TJP1: variants seen among roughly 807,000 people sequenced by gnomAD.
TJP1 encodes the protein tight junction protein 1, also known as tight junction protein ZO-1.
A neutral mutation model predicts 194.2 loss-of-function variants in TJP1; 43 were observed. The ratio of observed to expected loss-of-function variants is 0.22; its 90% CI spans 0.17 to 0.29. The LOEUF (loss-of-function observed/expected upper bound fraction) is 0.29, where lower values mean the gene tolerates loss of function less well. TJP1 is among the 10% of genes least tolerant of loss of function. The pLI, the probability that TJP1 is intolerant of heterozygous loss-of-function variation, is 1.00. For missense variants in TJP1, 1,971 were observed against 2,185.7 expected, an observed-to-expected ratio of 0.90 and a Z score of 1.96; for synonymous variants, 801 against 779.0, an observed-to-expected ratio of 1.03 and a Z score of -0.47.
chr15:29,790,103 G>C (rs1405290305), intron 2 of TJP1, among the ~76,000 whole-genome samples: 20 of 152,212 alleles, frequency 1.3e-4, no homozygotes. Context: ...TTTGCCTGTT[G>C]TCTATGGTTG....
chr15:29,896,136 T>C (rs1370787925), intron 2 of TJP1, among the ~76,000 whole-genome samples: 2 of 152,112 alleles, frequency 1.3e-5, no homozygotes, highest in African/African-American at 4.8e-5. Flanking sequence ...ACAAATGATA[T>C]GGTTTGGCTG....
chr15:29,703,768 G>A (rs563932886), intron 27 of TJP1, among the ~76,000 whole-genome samples: 58 of 151,660 alleles, frequency 3.8e-4, no homozygotes, highest in Non-Finnish European at 6.8e-4. Context: ...TCAGCCTCCC[G>A]AGTAGCTGGG....
chr15:29,949,547 T>A (rs1192080585), intron 2 of TJP1, among the ~76,000 whole-genome samples: 85 of 22,190 alleles, frequency 3.8e-3, no homozygotes, highest in Middle Eastern at 0.028. Flanking sequence ...CACCACCACC[T>A]CCACAACCAC....
chr15:29,789,218 C>A (rs2047914253), intron 2 of TJP1, among the ~76,000 whole-genome samples: 1 of 151,988 alleles, frequency 6.6e-6, no homozygotes, highest in African/African-American at 2.4e-5. Flanking sequence ...GTAGACCTCC[C>A]AAGAGTGACT....
chr15:29,796,406 G>GA (rs1045221356), intron 2 of TJP1, among the ~76,000 whole-genome samples: 2,633 of 13,680 alleles, frequency 0.19, 74 homozygotes, highest in East Asian at 0.49. Context: ...ATATTGAAAT[G>GA]AAAAAAAAAA....
intron 1 of TJP1, among the ~76,000 whole-genome samples, chr15:29,962,754 G>A (rs2056203165): frequency 6.6e-6 from 1 of 152,214 alleles, no homozygotes; most frequent in African/African-American, 2.4e-5. Flanking sequence ...ACTTCAGAAA[G>A]CTTAATAACT....
chr15:29,796,092 G>C (rs929190408), intron 2 of TJP1, among the ~76,000 whole-genome samples: 18 of 152,010 alleles, frequency 1.2e-4, no homozygotes, highest in Admixed American at 3.3e-4. Flanking sequence ...CCACTTACTG[G>C]TGAAAGACAG....
chr15:29,920,762 G>A (rs1200496819), intron 2 of TJP1, among the ~76,000 whole-genome samples: 1 of 152,116 alleles, frequency 6.6e-6, no homozygotes, highest in Non-Finnish European at 1.5e-5. Flanking sequence ...TCTCCACCTG[G>A]GTCTGGCTCC....
chr15:29,798,094 C>T (rs2048532797), intron 2 of TJP1, among the ~76,000 whole-genome samples: 1 of 152,064 alleles, frequency 6.6e-6, no homozygotes, highest in South Asian at 2.1e-4. Context: ...CTGCCTCAGC[C>T]TCCAAGTAGC....
At chr15:29,729,717 G>T (rs1020272368) in intron 15 of TJP1, among the ~76,000 whole-genome samples, 1 of 151,990 alleles carries the variant, frequency 6.6e-6, no homozygotes, top group African/African-American at 2.4e-5. Context: ...CTACTCGGGA[G>T]GCTGAGGCAG....
chr15:29,793,145 T>C (rs958897466), intron 2 of TJP1, among the ~76,000 whole-genome samples: 5 of 152,236 alleles, frequency 3.3e-5, no homozygotes, highest in African/African-American at 4.8e-5. Context: ...CAGTACCACG[T>C]TGAAGAAAGG....
At position 29,745,872 on chromosome 15, in the gene TJP1, T is replaced by TA. The variant is rs1455771871; in HGVS notation, c.1011-3092dup. On this transcript the variant is annotated intron_variant, in intron 8 of 27. Transcript: ENST00000614355. ...ATTCAAATCCTGATCTCTTAATTAT[T>TA]AAAAGAAAAACCCAAACCCTATATA... 8.5e-5 allele frequency among the ~76,000 whole-genome samples: 13 copies of TA among 152,298 alleles called. No homozygotes were observed. In the East Asian group the frequency reaches 2.5e-3, roughly 29 times the overall value.
intron 15 of TJP1, chr15:29,730,607 AAGAG>A: frequency 1.8e-6 from 1 of 542,094 alleles, no homozygotes; most frequent in Non-Finnish European, 3.4e-6. Flanking sequence ...AAAAAAAAAA[AAGAG>A]GAGCAGTGTG....
intron 5 of TJP1, 118 bp from the exon 6 acceptor site, chr15:29,762,556 C>T (rs1306124251): frequency 9.0e-6 from 6 of 667,728 alleles, no homozygotes; most frequent in Non-Finnish European, 1.2e-5. Flanking sequence ...CAATCAATAA[C>T]AAGAAATATT....
chr15:29,889,845 T>G (rs2152155541), intron 2 of TJP1, among the ~76,000 whole-genome samples: 1 of 152,342 alleles, frequency 6.6e-6, no homozygotes. Context: ...AGTAAATGGC[T>G]TACTAAACTA....
At chr15:29,923,398 A>C (rs576944102) in intron 2 of TJP1, among the ~76,000 whole-genome samples, 9 of 152,128 alleles carry the variant, frequency 5.9e-5, no homozygotes, top group Non-Finnish European at 1.2e-4. Context: ...ACTGCTCCCA[A>C]ATGGGTCCTC....
intron 2 of TJP1, among the ~76,000 whole-genome samples, chr15:29,781,313 A>C (rs1159614502): frequency 6.6e-6 from 1 of 152,214 alleles, no homozygotes; most frequent in Non-Finnish European, 1.5e-5. Flanking sequence ...CAAACGCCGA[A>C]AGTGAATCAG....
At chr15:29,703,321 G>C (rs2041672598) in intron 27 of TJP1, among the ~76,000 whole-genome samples, 1 of 151,894 alleles carries the variant, frequency 6.6e-6, no homozygotes, top group Non-Finnish European at 1.5e-5. Context: ...ATGGTGGTGG[G>C]CACCTGTAAT....
chr15:29,783,135 G>A (rs866803560), intron 2 of TJP1, among the ~76,000 whole-genome samples: 5 of 152,054 alleles, frequency 3.3e-5, no homozygotes, highest in Admixed American at 6.6e-5. Flanking sequence ...TTAGCCAGGC[G>A]TGGTGGTGCA....
Sources: gnomAD v4.1 joint callset for allele counts (sites outside exome capture counted in the v4.1 genomes callset) on GRCh38, gnomAD v4.1.1 for gene constraint, MANE v1.5 for transcripts, NCBI Gene and HGNC (gene_info 2026-07-23, HGNC 2026-07-21) for gene names.